Variants in VPS28 observed in about 807,000 individuals in gnomAD.
VPS28 encodes the protein VPS28 subunit of ESCRT-I, also known as vacuolar protein sorting-associated protein 28 homolog.
VPS28 carries 29 observed loss-of-function variants against 33.7 expected under a neutral mutation model. The observed-to-expected ratio is 0.86, with a 90% CI of 0.64 to 1.17. VPS28 has a LOEUF of 1.17. Among genes scored for constraint, VPS28 ranks in the 50% most tolerant of loss-of-function variants. The probability of loss-of-function intolerance (pLI) is 0.00; values close to 1 mark genes in which losing one functional copy is unlikely to be tolerated. For synonymous variants in VPS28, 164 were observed against 116.7 expected (o/e 1.40, Z -2.61); for missense variants, 247 against 312.2 (o/e 0.79, Z 1.57).
chr8:144,427,814 C>T (rs1461130100), intron 1 of VPS28, among the ~76,000 whole-genome samples: 2 of 152,208 alleles, frequency 1.3e-5, no homozygotes, highest in African/African-American at 4.8e-5. Flanking sequence ...GTCAGATCCG[C>T]CGAGGGATTT....
intron 2 of VPS28, 120 bp downstream of exon 2, chr8:144,426,789 C>T (rs1034678294): frequency 8.6e-7 from 1 of 1,167,850 alleles, no homozygotes; most frequent in Non-Finnish European, 1.2e-6. Context: ...CCCTGGCCAC[C>T]CCCAAGGCTG....
At position 144,424,534 on chromosome 8, in the gene VPS28, G is replaced by A. The variant is rs539145777; in HGVS notation, c.402+184C>T. 36 of 812,778 alleles carry A rather than the reference G, an allele frequency of 4.4e-5. No homozygotes were observed. The East Asian group carries it at 9.6e-4, about 22-fold the overall frequency. The allele number at this position is 812,778 out of a possible 1,614,324, so 50.3% of individuals were successfully genotyped here. A position where few individuals can be genotyped will look rare whatever the true frequency, so the allele number is the denominator to read the frequency against. On this transcript the variant is annotated intron_variant, in intron 7 of 9. Transcript: ENST00000292510. ...CCCTGTGCTCATCCCCCCGACAGGAGTCCAGGTGGCCTGGGGGCGTCCCCG... is the reference window on the plus strand; with the variant it reads ...CCCTGTGCTCATCCCCCCGACAGGAATCCAGGTGGCCTGGGGGCGTCCCCG...
In VPS28 at chr8:144,424,061, G is replaced by A; in HGVS notation, c.528C>T (p.Gly176=). 1 of 1,572,172 alleles carries A rather than the reference G, an allele frequency of 6.4e-7. No individual in the cohort carries two copies. The highest frequency in any genetic ancestry group is 8.7e-7 in the Non-Finnish European group (1 of 1,155,684). ...RMSHLPPDFE[G]RQTVSQWLQT... Reference sequence around the variant, plus strand: ...CCCACCACTGGCTGACCGTCTGGCGGCCCTCAAAGTCGGGTGGGAGGTGGC... The same window carrying A: ...CCCACCACTGGCTGACCGTCTGGCGACCCTCAAAGTCGGGTGGGAGGTGGC... Residue 176 remains glycine (G), a synonymous_variant, in exon 9 of 10, where the codon GGC becomes GGT. Transcript: ENST00000292510.
rs1822661270 is a variant in VPS28, at chr8:144,425,378, G to C, written c.194+305C>G. On this transcript the variant is annotated intron_variant, in intron 5 of 9. Transcript: ENST00000292510. Reference sequence around the variant, plus strand: ...CCTGTGACGGTCTTGTCACTTCATTGAACAAAGCCCCCCCAAAAGATCCTG... The same window carrying C: ...CCTGTGACGGTCTTGTCACTTCATTCAACAAAGCCCCCCCAAAAGATCCTG... The C allele has an allele frequency of 7.4e-6, 4 of 542,590 alleles. No homozygotes were observed. The Admixed American group carries it at 1.3e-4, about 17-fold the overall frequency. The allele number at this position is 542,590 out of a possible 1,614,324, so 33.6% of individuals were successfully genotyped here.
chr8:144,426,861 G>C (rs201975878), intron 2 of VPS28, 48 bp downstream of exon 2: 48 of 1,607,384 alleles, frequency 3.0e-5, no homozygotes, highest in Non-Finnish European at 3.7e-5. Flanking sequence ...CTGCCCGTCA[G>C]CCCCTGCAGA....
Position 144,425,030 on chromosome 8 carries a change from C to A in VPS28, c.216G>T (p.Arg72=). 2.6e-6 allele frequency: 4 copies of A among 1,552,394 alleles called. No homozygotes were observed. Among genetic ancestry groups the A allele is most frequent in the Non-Finnish European group, 3.5e-6 (4 of 1,147,306 alleles). ...AGGCAGCTTTGTATTGGACCAGGAGCCGGGAGCAGGCTGCAGTGTACCTAG... is the reference window on the plus strand; with the variant it reads ...AGGCAGCTTTGTATTGGACCAGGAGACGGGAGCAGGCTGCAGTGTACCTAG... ...SPSEYTAACS[R]LLVQYKAAFR... The change falls in exon 6 of 10, where the codon CGG becomes CGT. Residue 72 remains arginine, a synonymous_variant. Transcript: ENST00000292510.
chr8:144,425,793 C>T (rs782252488), intron 4 of VPS28, 21 bp from the exon 5 acceptor site: 28 of 1,613,388 alleles, frequency 1.7e-5, no homozygotes, highest in African/African-American at 5.3e-5. Context: ...ACCTGTCTAT[C>T]GGGCCAGGCC....
At chr8:144,427,354 C>T in intron 1 of VPS28, 1 of 176,446 alleles carries the variant, frequency 5.7e-6, no homozygotes, top group Non-Finnish European at 1.2e-5. Context: ...CCCGTAAGTG[C>T]CAGGTCCTGG....
At chr8:144,424,643 G>A (rs1399796058) in intron 7 of VPS28, 75 bp downstream of exon 7, 1 of 1,489,964 alleles carries the variant, frequency 6.7e-7, no homozygotes, top group East Asian at 2.3e-5. Flanking sequence ...GGAGGCCCAG[G>A]ACCCTACGCT....
chr8:144,425,088 A>G, intron 5 of VPS28, 37 bp from the exon 6 acceptor site: 1 of 1,528,254 alleles, frequency 6.5e-7, no homozygotes, highest in South Asian at 1.2e-5. Flanking sequence ...GCATGGGACC[A>G]GCCCCACCCA....
intron 4 of VPS28, 91 bp from the exon 5 acceptor site, chr8:144,425,863 C>T (rs1484924856): frequency 1.5e-5 from 24 of 1,583,248 alleles, no homozygotes; most frequent in Non-Finnish European, 1.9e-5. Flanking sequence ...CCACTGCGGG[C>T]GCTCTGCCCA....
At chr8:144,428,324 G>C (rs1461721457) in intron 1 of VPS28, among the ~76,000 whole-genome samples, 165 bp downstream of exon 1, 4 of 152,270 alleles carry the variant, frequency 2.6e-5, no homozygotes, top group Non-Finnish European at 4.4e-5. Context: ...TCGCAGAGTG[G>C]ACAACGAGCA....
At chr8:144,425,640 C>G in intron 5 of VPS28, 43 bp downstream of exon 5, 1 of 1,601,488 alleles carries the variant, frequency 6.2e-7, no homozygotes, top group Non-Finnish European at 8.5e-7. Context: ...AGCACCCAAG[C>G]CCCCCAGGGC....
rs1554877002 is a variant in VPS28 at position 144,426,979 on chromosome 8, C to A, written c.-34G>T. On this transcript the variant is annotated splice_region_variant and 5_prime_UTR_variant, in exon 2 of 10. Transcript: ENST00000292510. The stretch of plus-strand genomic sequence containing the variant: ...CTCTGGGGGGGGCACAGCACTGAGA[C>A]CTGGGGAGCAGAGCCAGGGCCGACT... 6.2e-7 allele frequency: 1 copy of A among 1,610,310 alleles called. No homozygotes were observed. The highest frequency in any genetic ancestry group is 8.5e-7 in the Non-Finnish European group (1 of 1,178,646).
At position 144,423,806 on chromosome 8, in the gene VPS28, C is replaced by A. The variant is rs1554875780; in HGVS notation, c.665G>T (p.Ter222LeuextTer?). The change falls in exon 10 of 10, where the codon TGA (stop) becomes TTA (leucine). Residue 222 changes from the stop codon to leucine (L), a stop_lost. Coordinates refer to ENST00000292510, the MANE Select transcript of VPS28 (RefSeq NM_016208.4). ...TGTGCAAGGGCTAGTGCCCCGGGCTCAGGCATGCAGGAAGCGGTTGAAGGC... is the reference window on the plus strand; with the variant it reads ...TGTGCAAGGGCTAGTGCCCCGGGCTAAGGCATGCAGGAAGCGGTTGAAGGC... ...YNAFNRFLHA[*>L] 6.2e-7 allele frequency: 1 copy of A among 1,613,130 alleles called. No individual in the cohort carries two copies.
chr8:144,424,787 C>T lies in VPS28; in HGVS notation c.333G>A (p.Lys111=). ...CCTTGATGGTGATGGGCCGGTCCTC[C>T]TTGATCCGCTCCATGGCCAGCGGGC... ...LDCPLAMERI[K]EDRPITIKDD... is the part of the protein sequence containing the mutation. Residue 111 remains lysine, a synonymous_variant, in exon 7 of 10, where the codon AAG becomes AAA. Transcript: ENST00000292510. The T allele has an allele frequency of 1.2e-6, 2 of 1,613,882 alleles. No individual in the cohort carries two copies. Among genetic ancestry groups the T allele is most frequent in the East Asian group, 2.2e-5 (1 of 44,872 alleles).
chr8:144,424,289 G>C (rs1822566845), intron 7 of VPS28, 21 bp from the exon 8 acceptor site: 2 of 1,578,630 alleles, frequency 1.3e-6, no homozygotes, highest in Non-Finnish European at 1.7e-6. Context: ...GTGTGCACAT[G>C]AGGCTCGCGT....
chr8:144,424,664 T>C lies in VPS28; in HGVS notation c.402+54A>G. The C allele has an allele frequency of 5.0e-6, 8 of 1,586,088 alleles. No individual in the cohort carries two copies. The South Asian group carries it at 6.6e-5, about 13-fold the overall frequency. On this transcript the variant is annotated intron_variant, in intron 7 of 9. Transcript: ENST00000292510. ...CCAGGACCCTACGCTCGTGCCCAGCTGCAGCAGGCAGCCTCGGCTCTCCTA... is the reference window on the plus strand; with the variant it reads ...CCAGGACCCTACGCTCGTGCCCAGCCGCAGCAGGCAGCCTCGGCTCTCCTA...
Position 144,424,141 on chromosome 8 carries a change from C to G in VPS28, c.457-9G>C. 11 of 1,550,700 alleles carry G rather than the reference C, an allele frequency of 7.1e-6. No homozygotes were observed. The highest frequency in any genetic ancestry group is 1.4e-5 in the African/African-American group (1 of 73,494). ...CGCAGGTCGGGCTGGATCTGAGACA[C>G]ACACAGCGGCTGGGACCCCGACGCC... On this transcript the variant is annotated splice_polypyrimidine_tract_variant and intron_variant, in intron 8 of 9. Transcript: ENST00000292510.
Sources: gnomAD v4.1 joint callset for allele counts (sites outside exome capture counted in the v4.1 genomes callset) on GRCh38, gnomAD v4.1.1 for gene constraint, MANE v1.5 for transcripts, NCBI Gene and HGNC (gene_info 2026-07-23, HGNC 2026-07-21) for gene names.